The following MEIS2 variants were observed in gnomAD, a reference collection of about 807,000 sequenced individuals.
MEIS2 encodes Meis homeobox 2, also known as homeobox protein Meis2.
MEIS2 carries 9 observed loss-of-function variants against 58.6 expected under a neutral mutation model. The observed-to-expected ratio is 0.15, with a 90% CI of 0.09 to 0.27. MEIS2 has a LOEUF of 0.27. Among genes scored for constraint, MEIS2 ranks in the 10% least tolerant of loss-of-function variants. The pLI is 1.00. For synonymous variants in MEIS2, 221 were observed against 228.4 expected (o/e 0.97, Z 0.29); for missense variants, 427 against 635.0 (o/e 0.67, Z 3.52).
At chr15:37,018,838 C>T (rs1251797999) in intron 8 of MEIS2, among the ~76,000 whole-genome samples, 2 of 152,194 alleles carry the variant, frequency 1.3e-5, no homozygotes, top group African/African-American at 4.8e-5. Flanking sequence ...TTAGCCTCTG[C>T]TTCTCTCCTT....
intron 4 of MEIS2, among the ~76,000 whole-genome samples, chr15:37,095,189 C>T (rs1167942892): frequency 6.6e-6 from 1 of 151,742 alleles, no homozygotes; most frequent in East Asian, 1.9e-4. Flanking sequence ...CCCAGCCCGC[C>T]CTCAGCCGTG....
chr15:36,928,183 A>T (rs1259455042), intron 9 of MEIS2, among the ~76,000 whole-genome samples: 3 of 152,230 alleles, frequency 2.0e-5, no homozygotes, highest in African/African-American at 7.2e-5. Context: ...GAAAGGGAGT[A>T]TGAAATTCCT....
intron 8 of MEIS2, among the ~76,000 whole-genome samples, chr15:36,955,421 C>G (rs2058923730): frequency 6.6e-6 from 1 of 152,118 alleles, no homozygotes; most frequent in Non-Finnish European, 1.5e-5. Context: ...CTCCCCCATT[C>G]TTTCTCAGTG....
intron 9 of MEIS2, among the ~76,000 whole-genome samples, chr15:36,918,346 A>C (rs780953098): frequency 3.3e-5 from 5 of 152,342 alleles, no homozygotes; most frequent in Admixed American, 2.6e-4. Context: ...TCTGTGGCTT[A>C]ATCTCCTCAA....
chr15:36,896,890 A>G (rs543660969), intron 9 of MEIS2: 9 of 531,110 alleles, frequency 1.7e-5, no homozygotes, highest in Non-Finnish European at 2.7e-5. Flanking sequence ...CTCCAAAACA[A>G]CTTGCTAGAA....
intron 8 of MEIS2, among the ~76,000 whole-genome samples, chr15:36,981,685 G>A (rs752910189): frequency 4.6e-5 from 7 of 152,132 alleles, no homozygotes; most frequent in Non-Finnish European, 1.0e-4. Flanking sequence ...GGAATGCCCA[G>A]ATAGCTGGTA....
chr15:36,966,094 T>C (rs1364270875), intron 8 of MEIS2, among the ~76,000 whole-genome samples: 1 of 152,160 alleles, frequency 6.6e-6, no homozygotes, highest in Non-Finnish European at 1.5e-5. Context: ...GTTCCTAGGC[T>C]ATCCAAGTGG....
chr15:37,063,875 AAG>A (rs1200360471), intron 7 of MEIS2, among the ~76,000 whole-genome samples: 1 of 152,228 alleles, frequency 6.6e-6, no homozygotes, highest in Non-Finnish European at 1.5e-5. Context: ...AACTAATATA[AAG>A]AGAAAATATT....
intron 7 of MEIS2, among the ~76,000 whole-genome samples, chr15:37,055,205 A>G (rs922908957): frequency 6.6e-6 from 1 of 152,242 alleles, no homozygotes; most frequent in East Asian, 1.9e-4. Flanking sequence ...TCTATACCCT[A>G]TTGAGTAATT....
chr15:37,074,256 T>C (rs1043402703), intron 7 of MEIS2, among the ~76,000 whole-genome samples: 2 of 152,040 alleles, frequency 1.3e-5, no homozygotes, highest in Non-Finnish European at 2.9e-5. Context: ...ATCTGAATTG[T>C]GGCATTCCAC....
At chr15:36,964,909 C>T (rs2141442584) in intron 8 of MEIS2, among the ~76,000 whole-genome samples, 1 of 152,228 alleles carries the variant, frequency 6.6e-6, no homozygotes, top group Non-Finnish European at 1.5e-5. Context: ...TTAGCAATTG[C>T]ATTTATAGCT....
intron 8 of MEIS2, among the ~76,000 whole-genome samples, chr15:36,987,227 G>A (rs1461189292): frequency 6.6e-6 from 1 of 151,868 alleles, no homozygotes; most frequent in East Asian, 1.9e-4. Context: ...GGGCAACATG[G>A]CAAAACCCTG....
At position 37,099,724 on chromosome 15, in the gene MEIS2, ACCT is replaced by A. The variant is rs1413854735; in HGVS notation, c.-261_-259del. ...CTCCTGATCTTCCTCCTCCTCCTCCACCTCCTCCTCCTCCCCCCTCCCCTCCTC... is the reference window on the plus strand; with the variant it reads ...CTCCTGATCTTCCTCCTCCTCCTCCACCTCCTCCTCCCCCCTCCCCTCCTC... On this transcript the variant is annotated 5_prime_UTR_variant, in exon 1 of 12. Coordinates refer to ENST00000561208, the MANE Select transcript of MEIS2 (RefSeq NM_170675.5). The A allele has an allele frequency of 3.6e-4, 116 of 320,112 alleles. No individual in the cohort carries two copies. The highest frequency in any genetic ancestry group is 1.9e-3 in the African/African-American group (58 of 30,694). 19.8% of individuals were successfully genotyped at this position (320,112 alleles called of 1,614,324 possible). A position where few individuals can be genotyped will look rare whatever the true frequency, so the allele number is the denominator to read the frequency against.
At chr15:36,944,675 G>C (rs1018364699) in intron 9 of MEIS2, among the ~76,000 whole-genome samples, 2 of 152,144 alleles carry the variant, frequency 1.3e-5, no homozygotes, top group Non-Finnish European at 2.9e-5. Context: ...CTAGCACCTG[G>C]CAAATCTGAC....
intron 4 of MEIS2, 71 bp from the exon 5 acceptor site, chr15:37,094,648 G>A (rs1893974015): frequency 3.0e-6 from 4 of 1,350,432 alleles, no homozygotes; most frequent in Non-Finnish European, 3.1e-6. Context: ...GTTGGGAGTG[G>A]GGTGAGGATG....
chr15:36,975,758 A>C (rs1040312878), intron 8 of MEIS2, among the ~76,000 whole-genome samples: 6 of 152,182 alleles, frequency 3.9e-5, no homozygotes, highest in African/African-American at 1.4e-4. Flanking sequence ...TAAGAAAGCA[A>C]ATGTGTAGGC....
chr15:36,902,797 A>G (rs79243787), intron 9 of MEIS2, among the ~76,000 whole-genome samples: 1,871 of 152,266 alleles, frequency 0.012, 33 homozygotes, highest in African/African-American at 0.043. Flanking sequence ...CTTGGGCAAT[A>G]AACACTTTAT....
rs1595665344 is a variant in MEIS2 at position 36,894,684 on chromosome 15, T to C, written c.1147+467A>G. ...AAATAAAATAAAGTCTCTGAAGTGA[T>C]AGTGAAGACAGATCGCACCCGACTG... On this transcript the variant is annotated intron_variant, in intron 11 of 11. Coordinates refer to ENST00000561208, the MANE Select transcript of MEIS2 (RefSeq NM_170675.5). The C allele has an allele frequency of 5.4e-6, 8 of 1,481,400 alleles. No homozygotes were observed. The East Asian group carries it at 6.8e-5, about 13-fold the overall frequency. 91.8% of individuals were successfully genotyped at this position (1,481,400 alleles called of 1,614,324 possible). A position where few individuals can be genotyped will look rare whatever the true frequency, so the allele number is the denominator to read the frequency against.
At chr15:36,976,297 G>A (rs918753319) in intron 8 of MEIS2, among the ~76,000 whole-genome samples, 2 of 151,740 alleles carry the variant, frequency 1.3e-5, no homozygotes, top group Non-Finnish European at 2.9e-5. Context: ...TGTTGGCCAG[G>A]CTGGTCTCGA....
Sources: allele counts gnomAD v4.1 joint callset (sites outside exome capture counted in the v4.1 genomes callset), GRCh38; gene constraint gnomAD v4.1.1; transcripts MANE v1.5; gene names NCBI Gene and HGNC (gene_info 2026-07-23, HGNC 2026-07-21).